STXBP5L: variants seen among roughly 807,000 people sequenced by gnomAD.
The protein encoded by STXBP5L is syntaxin binding protein 5L, also known as syntaxin-binding protein 5-like.
In STXBP5L, 65 loss-of-function variants were observed where a neutral mutation model predicts 144.5. The ratio of observed to expected loss-of-function variants is 0.45; its 90% CI spans 0.37 to 0.55. The LOEUF (loss-of-function observed/expected upper bound fraction) is 0.55. STXBP5L is among the 20% of genes least tolerant of loss of function. STXBP5L has a pLI of 0.00. For missense variants in STXBP5L, 1,298 were observed against 1,405.5 expected (o/e 0.92, Z 1.22); for synonymous variants, 505 against 469.6 (o/e 1.08, Z -0.97).
chr3:121,082,737 G>C (rs564264124), intron 5 of STXBP5L, among the ~76,000 whole-genome samples: 1 of 152,104 alleles, frequency 6.6e-6, no homozygotes, highest in Non-Finnish European at 1.5e-5. Context: ...TTTGAATTTT[G>C]TCAAATACTA....
chr3:121,283,560 T>A (rs2051130309), intron 19 of STXBP5L, among the ~76,000 whole-genome samples: 1 of 151,966 alleles, frequency 6.6e-6, no homozygotes, highest in African/African-American at 2.4e-5. Flanking sequence ...TTTATAAAAT[T>A]TCAGTTTCTG....
intron 22 of STXBP5L, among the ~76,000 whole-genome samples, chr3:121,387,182 T>G (rs1269428567): frequency 6.6e-6 from 1 of 152,248 alleles, no homozygotes; most frequent in East Asian, 1.9e-4. Flanking sequence ...TTCATGTGTC[T>G]GTTGCCTGCA....
intron 11 of STXBP5L, among the ~76,000 whole-genome samples, chr3:121,224,646 G>A (rs968960308): frequency 4.6e-5 from 7 of 152,088 alleles, no homozygotes; most frequent in Non-Finnish European, 8.8e-5. Context: ...TTAAATAGTC[G>A]TGGTTTCATG....
intron 2 of STXBP5L, among the ~76,000 whole-genome samples, chr3:120,936,304 A>G (rs1710261944): frequency 6.6e-6 from 1 of 152,188 alleles, no homozygotes; most frequent in Admixed American, 6.5e-5. Flanking sequence ...ATAGATTTAA[A>G]AAATCTCTGT....
intron 20 of STXBP5L, among the ~76,000 whole-genome samples, chr3:121,332,347 A>T (rs2044347380): frequency 6.6e-6 from 1 of 151,392 alleles, no homozygotes; most frequent in Admixed American, 6.6e-5. Flanking sequence ...ACATGAAAAA[A>T]AATTTAAAAA....
chr3:121,104,142 C>T (rs2043571246), intron 5 of STXBP5L, among the ~76,000 whole-genome samples: 1 of 151,978 alleles, frequency 6.6e-6, no homozygotes, highest in African/African-American at 2.4e-5. Context: ...ATCTTTTGAC[C>T]ATATATTTTT....
At chr3:121,021,153 A>G (rs1167863223) in intron 3 of STXBP5L, among the ~76,000 whole-genome samples, 1 of 152,164 alleles carries the variant, frequency 6.6e-6, no homozygotes, top group Non-Finnish European at 1.5e-5. Flanking sequence ...AGTTTAAAGC[A>G]ACAGCAGTTA....
intron 20 of STXBP5L, among the ~76,000 whole-genome samples, chr3:121,360,632 T>C (rs1197438209): frequency 3.9e-5 from 6 of 152,118 alleles, no homozygotes; most frequent in Non-Finnish European, 7.4e-5. Context: ...TTTAACCTGA[T>C]AACAACACTA....
intron 9 of STXBP5L, among the ~76,000 whole-genome samples, chr3:121,174,120 A>G (rs1167998723): frequency 1.3e-5 from 2 of 152,102 alleles, no homozygotes; most frequent in African/African-American, 4.8e-5. Flanking sequence ...AAATTATTTC[A>G]GAGTTGTAGT....
intron 3 of STXBP5L, among the ~76,000 whole-genome samples, chr3:121,012,517 C>T (rs1248371626): frequency 2.0e-5 from 3 of 151,706 alleles, no homozygotes; most frequent in African/African-American, 7.3e-5. Flanking sequence ...TTGAATATAG[C>T]CATCTTAGTG....
intron 19 of STXBP5L, among the ~76,000 whole-genome samples, chr3:121,316,111 A>T (rs1577441065): frequency 6.6e-6 from 1 of 152,112 alleles, no homozygotes; most frequent in Non-Finnish European, 1.5e-5. Flanking sequence ...ACAAAACTTT[A>T]CTTCTATAGT....
In STXBP5L at chr3:121,193,696, C is replaced by T. The variant is rs190216874; in HGVS notation, c.878-12227C>T. Among the ~76,000 whole-genome samples, 193 of 152,150 alleles carry T rather than the reference C, an allele frequency of 1.3e-3. 1 individual carries two copies. Among genetic ancestry groups the T allele is most frequent in the African/African-American group, 4.3e-3 (180 of 41,502 alleles). ...CAGGGACATGGATGAAGCTGGAAAC[C>T]ATCATTCTCAGCAAACTATCACAAG... On this transcript the variant is annotated intron_variant, in intron 9 of 26. Transcript: ENST00000471454.
chr3:120,987,067 A>G (rs917068504), intron 3 of STXBP5L, among the ~76,000 whole-genome samples: 1 of 152,034 alleles, frequency 6.6e-6, no homozygotes, highest in African/African-American at 2.4e-5. Flanking sequence ...AAAGAAATGA[A>G]TATAAGCATC....
chr3:121,090,305 T>A (rs947968665), intron 5 of STXBP5L, among the ~76,000 whole-genome samples: 1 of 150,974 alleles, frequency 6.6e-6, no homozygotes, highest in Non-Finnish European at 1.5e-5. Context: ...ACATCTTAGA[T>A]AGGGAGAGAC....
At chr3:120,991,590 A>T (rs554784290) in intron 3 of STXBP5L, among the ~76,000 whole-genome samples, 3 of 152,202 alleles carry the variant, frequency 2.0e-5, no homozygotes, top group African/African-American at 7.2e-5. Context: ...CCAAATGTCC[A>T]ACAATGATAG....
intron 9 of STXBP5L, among the ~76,000 whole-genome samples, chr3:121,190,024 A>C (rs1027720944): frequency 9.9e-5 from 15 of 151,546 alleles, no homozygotes; most frequent in Admixed American, 9.9e-4. Flanking sequence ...AAAACTGTCC[A>C]TTTTAATAAG....
chr3:121,153,577 T>G (rs2046006891), intron 8 of STXBP5L, among the ~76,000 whole-genome samples: 1 of 151,980 alleles, frequency 6.6e-6, no homozygotes, highest in African/African-American at 2.4e-5. Flanking sequence ...GATGAACCTG[T>G]AGTCACCCTA....
Position 121,020,256 on chromosome 3 carries a change from C to G in STXBP5L, c.288-21444C>G, listed in dbSNP as rs141457098. On this transcript the variant is annotated intron_variant, in intron 3 of 26. Coordinates refer to ENST00000471454, the MANE Select transcript of STXBP5L (RefSeq NM_001308330.2). ...AAAAAGAAAAAAAATGCCTCCAAGACGTTTGGGATGTTAAATGGTCAAACC... is the reference window on the plus strand; with the variant it reads ...AAAAAGAAAAAAAATGCCTCCAAGAGGTTTGGGATGTTAAATGGTCAAACC... Among the ~76,000 whole-genome samples the G allele has an allele frequency of 1.2e-4, 19 of 152,070 alleles. No individual in the cohort carries two copies. The East Asian group carries it at 3.5e-3, about 28-fold the overall frequency.
intron 18 of STXBP5L, among the ~76,000 whole-genome samples, chr3:121,279,399 A>T (rs1372983493): frequency 1.3e-5 from 2 of 151,926 alleles, no homozygotes; most frequent in Non-Finnish European, 2.9e-5. Flanking sequence ...TCTAGTAGTT[A>T]TAATTTTATT....
Sources: allele counts gnomAD v4.1 joint callset (sites outside exome capture counted in the v4.1 genomes callset), GRCh38; gene constraint gnomAD v4.1.1; transcripts MANE v1.5; gene names NCBI Gene and HGNC (gene_info 2026-07-23, HGNC 2026-07-21).